MTMR3: variants seen among roughly 807,000 people sequenced by gnomAD.
The protein encoded by MTMR3 is myotubularin related protein 3, also known as phosphatidylinositol-3,5-bisphosphate 3-phosphatase MTMR3.
Under a neutral mutation model 132.4 loss-of-function variants are expected in MTMR3, and 32 were observed. That is an observed-to-expected ratio of 0.24 (90% CI 0.18 to 0.32). The LOEUF is 0.32. Among genes scored for constraint, MTMR3 ranks in the 10% least tolerant of loss-of-function variants. The pLI is 1.00. For synonymous variants in MTMR3, 556 were observed against 550.3 expected, an observed-to-expected ratio of 1.01 and a Z score of -0.14; for missense variants, 1,216 against 1,489.6, an observed-to-expected ratio of 0.82 and a Z score of 3.02.
intron 1 of MTMR3, among the ~76,000 whole-genome samples, chr22:29,886,672 CAA>C (rs1205062611): frequency 6.6e-6 from 1 of 152,106 alleles, no homozygotes; most frequent in Non-Finnish European, 1.5e-5. Flanking sequence ...TTAAAAGAAA[CAA>C]GATTCTGTGT....
chr22:29,971,733 A>C (rs1171020492), intron 3 of MTMR3, among the ~76,000 whole-genome samples: 1 of 152,044 alleles, frequency 6.6e-6, no homozygotes, highest in Non-Finnish European at 1.5e-5. Flanking sequence ...CAATTTAATG[A>C]CTTACGGGCC....
chr22:29,912,576 G>A (rs1187374251), intron 1 of MTMR3, among the ~76,000 whole-genome samples: 1 of 152,128 alleles, frequency 6.6e-6, no homozygotes, highest in Non-Finnish European at 1.5e-5. Context: ...ACCAAACCTG[G>A]CCTTGTCTTG....
At chr22:29,963,147 A>G (rs2066346453) in intron 2 of MTMR3, among the ~76,000 whole-genome samples, 1 of 151,720 alleles carries the variant, frequency 6.6e-6, no homozygotes, top group South Asian at 2.1e-4. Context: ...GTGTTTTGCC[A>G]TGTTGCCCGG....
rs147729521 is a variant in MTMR3, at chr22:29,887,087, T to A, written c.-138+3728T>A. 5.0e-3 allele frequency among the ~76,000 whole-genome samples: 767 copies of A among 152,360 alleles called. 26 individuals are homozygous for A. Among genetic ancestry groups the A allele is most frequent in the Admixed American group, 0.045 (686 of 15,292 alleles). ...TGTCATTGCTATTTTTAATCTTAAT[T>A]TTGTGATATCAATACTGATATGCTT... On this transcript the variant is annotated intron_variant, in intron 1 of 19. Transcript: ENST00000401950.
chr22:29,896,783 C>A (rs958580483), intron 1 of MTMR3, among the ~76,000 whole-genome samples: 8 of 151,176 alleles, frequency 5.3e-5, no homozygotes, highest in African/African-American at 1.9e-4. Flanking sequence ...TTCAACAGTG[C>A]AAAAACTGCA....
At chr22:29,973,963 C>G (rs1300105845) in intron 3 of MTMR3, among the ~76,000 whole-genome samples, 1 of 152,164 alleles carries the variant, frequency 6.6e-6, no homozygotes, top group African/African-American at 2.4e-5. Flanking sequence ...GTACTTTCCT[C>G]TCTTAGCTGC....
At chr22:30,012,310 C>T in intron 12 of MTMR3, 58 bp from the exon 13 acceptor site, 1 of 1,539,080 alleles carries the variant, frequency 6.5e-7, no homozygotes, top group Non-Finnish European at 8.9e-7. Context: ...AATCATTGAG[C>T]ATGATGCAGT....
At chr22:30,012,663 A>AGT (rs2067462458) in intron 13 of MTMR3, 100 bp downstream of exon 13, 3 of 1,294,174 alleles carry the variant, frequency 2.3e-6, no homozygotes, top group Non-Finnish European at 3.2e-6. Flanking sequence ...GGTTAAAGAA[A>AGT]GTGAAATTTC....
chr22:29,982,937 T>TTTTTTTTTTTTTGTGTG (rs752531735), intron 5 of MTMR3: 2 of 146,280 alleles, frequency 1.4e-5, no homozygotes, highest in African/African-American at 5.1e-5. Context: ...AAAAGTTTGT[T>TTTTTTTTTTTTTGTGTG]TGTGTGTGTG....
chr22:29,996,867 A>G (rs2067072014), intron 7 of MTMR3: 3 of 152,106 alleles, frequency 2.0e-5, no homozygotes, highest in Admixed American at 6.6e-5. Flanking sequence ...AGCTGGGACT[A>G]TAGGCATGGA....
At chr22:29,921,720 T>C (rs2065417654) in intron 1 of MTMR3, among the ~76,000 whole-genome samples, 1 of 152,190 alleles carries the variant, frequency 6.6e-6, no homozygotes, top group African/African-American at 2.4e-5. Context: ...TACCATTCTA[T>C]TTTCTATCTT....
At chr22:30,022,789 A>C in intron 19 of MTMR3, 92 bp downstream of exon 19, 34 of 1,162,184 alleles carry the variant, frequency 2.9e-5, no homozygotes, top group Non-Finnish European at 3.7e-5. Context: ...TGGGTATCTC[A>C]GTGTTCTGTC....
intron 1 of MTMR3, among the ~76,000 whole-genome samples, chr22:29,943,163 C>G (rs1204880228): frequency 6.6e-6 from 1 of 152,020 alleles, no homozygotes; most frequent in Non-Finnish European, 1.5e-5. Flanking sequence ...GGGTCCCTGA[C>G]TTTCCGCAAC....
intron 1 of MTMR3, among the ~76,000 whole-genome samples, chr22:29,943,991 T>C (rs1297208496): frequency 6.6e-6 from 1 of 151,132 alleles, no homozygotes; most frequent in Non-Finnish European, 1.5e-5. Context: ...GACTGGCTAA[T>C]TTTTTTTTGT....
intron 1 of MTMR3, among the ~76,000 whole-genome samples, chr22:29,940,063 C>T (rs1372397205): frequency 1.3e-5 from 2 of 152,112 alleles, no homozygotes; most frequent in African/African-American, 4.8e-5. Context: ...GTCAGGAGAT[C>T]GAGACCATCC....
rs1449953821 is a variant in MTMR3, at chr22:29,991,628, T to C, written c.418T>C (p.Tyr140His). 6.2e-7 allele frequency: 1 copy of C among 1,613,154 alleles called. No individual in the cohort carries two copies. The highest frequency in any genetic ancestry group is 1.3e-5 in the African/African-American group (1 of 74,878). Residue 140 changes from tyrosine to histidine, a missense_variant, in exon 7 of 20, where the codon TAT (tyrosine) becomes CAT (histidine). Tyr to His is a moderately conservative substitution (Grantham distance 83). Transcript: ENST00000401950. The stretch of plus-strand genomic sequence containing the variant: ...ATACCATGCTTGGTGCATGGAGGTC[T>C]ATGCCAGTGAAAAAGAGCAACATGG... Reference protein sequence around the residue: ...FAYHAWCMEVYASEKEQHGDL... With the variant: ...FAYHAWCMEVHASEKEQHGDL...
At chr22:30,014,243 G>GC (rs1304350519) in intron 14 of MTMR3, 7 of 152,134 alleles carry the variant, frequency 4.6e-5, no homozygotes, top group African/African-American at 1.7e-4. Flanking sequence ...TCACCCCACT[G>GC]CTTAACAAAG....
At position 29,969,897 on chromosome 22, in the gene MTMR3, G is replaced by A. The variant is rs112252140; in HGVS notation, c.-84-1079G>A. Among the ~76,000 whole-genome samples, 808 of 152,218 alleles carry A rather than the reference G, an allele frequency of 5.3e-3. 3 individuals are homozygous for A. The highest frequency in any genetic ancestry group is 0.016 in the African/African-American group (679 of 41,542). On this transcript the variant is annotated intron_variant, in intron 2 of 19. Coordinates refer to ENST00000401950, the MANE Select transcript of MTMR3 (RefSeq NM_021090.4). The stretch of plus-strand genomic sequence containing the variant: ...CTCAAAATGCCTCAACACAATCTGG[G>A]CCTTGCTACTGCTTTTATGTTCTCT...
At chr22:29,912,514 G>A (rs2065233922) in intron 1 of MTMR3, among the ~76,000 whole-genome samples, 1 of 152,146 alleles carries the variant, frequency 6.6e-6, no homozygotes, top group South Asian at 2.1e-4. Flanking sequence ...GAACTCAAGC[G>A]ATCCTCCTGT....
Sources: allele counts gnomAD v4.1 joint callset (sites outside exome capture counted in the v4.1 genomes callset), GRCh38; gene constraint gnomAD v4.1.1; transcripts MANE v1.5; gene names NCBI Gene and HGNC (gene_info 2026-07-23, HGNC 2026-07-21).